The following ATP8B1 variants were observed in gnomAD, a reference collection of about 807,000 sequenced individuals.
ATP8B1 encodes the protein ATPase phospholipid transporting 8B1.
ATP8B1 carries 80 observed loss-of-function variants against 149.9 expected under a neutral mutation model. The ratio of observed to expected loss-of-function variants is 0.53; its 90% CI spans 0.45 to 0.64. The LOEUF is 0.64. Among genes scored for constraint, ATP8B1 ranks in the 30% least tolerant of loss-of-function variants. The pLI, the probability that ATP8B1 is intolerant of heterozygous loss-of-function variation, is 0.00. For missense variants in ATP8B1, 1,247 were observed against 1,552.6 expected, an observed-to-expected ratio of 0.80 and a Z score of 3.31; for synonymous variants, 536 against 562.8, an observed-to-expected ratio of 0.95 and a Z score of 0.67.
intron 17 of ATP8B1, among the ~76,000 whole-genome samples, chr18:57,670,577 G>A (rs1001493047): frequency 1.3e-5 from 2 of 151,226 alleles, no homozygotes; most frequent in African/African-American, 4.9e-5. Context: ...GTCTCGATCT[G>A]TTAACCTCGT....
intron 2 of ATP8B1, among the ~76,000 whole-genome samples, chr18:57,728,184 T>A (rs1267345877): frequency 6.6e-6 from 1 of 152,154 alleles, no homozygotes; most frequent in African/African-American, 2.4e-5. Flanking sequence ...GCTACAACCC[T>A]CATTAAAGAA....
chr18:57,690,160 A>G (rs2122861066), intron 12 of ATP8B1, among the ~76,000 whole-genome samples: 1 of 152,336 alleles, frequency 6.6e-6, no homozygotes, highest in African/African-American at 2.4e-5. Context: ...GTCTGAGTAA[A>G]GGCCTTTGTA....
intron 2 of ATP8B1, among the ~76,000 whole-genome samples, chr18:57,709,575 C>G (rs1389519821): frequency 1.3e-5 from 2 of 152,172 alleles, no homozygotes; most frequent in Non-Finnish European, 2.9e-5. Flanking sequence ...TTTTAAGTGT[C>G]TGCTTGGAAC....
chr18:57,703,127 A>C (rs1363881034), intron 4 of ATP8B1, among the ~76,000 whole-genome samples: 1 of 151,904 alleles, frequency 6.6e-6, no homozygotes, highest in Non-Finnish European at 1.5e-5. Context: ...TTGCCTATCC[A>C]TTTCTCCTTA....
At chr18:57,760,378 T>C (rs2123321613) in intron 1 of ATP8B1, among the ~76,000 whole-genome samples, 1 of 152,278 alleles carries the variant, frequency 6.6e-6, no homozygotes, top group South Asian at 2.1e-4. Context: ...AAAGGGCCTG[T>C]CCCTAAGACC....
At chr18:57,781,150 G>A (rs4941086) in intron 1 of ATP8B1, among the ~76,000 whole-genome samples, 35,332 of 152,122 alleles carry the variant, frequency 0.23, 4,851 homozygotes, top group East Asian at 0.51. Context: ...AAAATCACTT[G>A]GGAAACTCCA....
At chr18:57,719,947 C>T (rs1238776791) in intron 2 of ATP8B1, among the ~76,000 whole-genome samples, 37 of 152,144 alleles carry the variant, frequency 2.4e-4, no homozygotes, top group African/African-American at 8.7e-4. Context: ...CCCTGACCCC[C>T]GAGCAGCCTA....
chr18:57,689,270 G>A (rs1912410882), intron 12 of ATP8B1, among the ~76,000 whole-genome samples: 4 of 152,130 alleles, frequency 2.6e-5, no homozygotes, highest in Admixed American at 2.0e-4. Flanking sequence ...TAGGGCAGAG[G>A]GAGTGAGAGT....
chr18:57,665,365 A>G (rs904202634), intron 20 of ATP8B1, among the ~76,000 whole-genome samples: 3 of 152,176 alleles, frequency 2.0e-5, no homozygotes, highest in Non-Finnish European at 4.4e-5. Context: ...AACATTTGCT[A>G]CTTGCATACA....
chr18:57,788,256 G>GA lies in ATP8B1; in HGVS notation c.-26+14741dup, dbSNP rs143808304. ...ACATCAGGTCCATCATTTGAAGCACGAAAAAATCGGAGCTTAGAAAATTAA... is the reference window on the plus strand; with the variant it reads ...ACATCAGGTCCATCATTTGAAGCACGAAAAAAATCGGAGCTTAGAAAATTAA... On this transcript the variant is annotated intron_variant, in intron 1 of 27. Transcript: ENST00000648908. 5.4e-3 allele frequency among the ~76,000 whole-genome samples: 821 copies of GA among 151,896 alleles called. 10 individuals are homozygous for GA. Among genetic ancestry groups the GA allele is most frequent in the African/African-American group, 0.019 (785 of 41,414 alleles).
intron 18 of ATP8B1, 94 bp from the exon 19 acceptor site, chr18:57,668,634 C>G: frequency 1.3e-6 from 1 of 754,090 alleles, no homozygotes; most frequent in Non-Finnish European, 2.2e-6. Context: ...AAAAGAAGGG[C>G]TAATTATACA....
At chr18:57,769,172 G>C (rs2080245042) in intron 1 of ATP8B1, among the ~76,000 whole-genome samples, 1 of 152,154 alleles carries the variant, frequency 6.6e-6, no homozygotes, top group African/African-American at 2.4e-5. Flanking sequence ...GCAGAGCCAA[G>C]TGTATGCATT....
At chr18:57,772,472 G>T (rs918836994) in intron 1 of ATP8B1, among the ~76,000 whole-genome samples, 1 of 152,154 alleles carries the variant, frequency 6.6e-6, no homozygotes, top group Non-Finnish European at 1.5e-5. Flanking sequence ...ACTAAAGTGC[G>T]GGTAGACAGG....
chr18:57,754,588 T>C (rs2080059682), intron 1 of ATP8B1, among the ~76,000 whole-genome samples: 1 of 152,192 alleles, frequency 6.6e-6, no homozygotes, highest in South Asian at 2.1e-4. Context: ...GGAATAGGGC[T>C]TGACCCAAAG....
At position 57,756,239 on chromosome 18, in the gene ATP8B1, A is replaced by ATT. The variant is rs1477198768; in HGVS notation, c.-25-24408_-25-24407insAA. Reference sequence around the variant, plus strand: ...CACACACACACACACACACACACATATATACACACACACATATATATATAT... The same window carrying ATT: ...CACACACACACACACACACACACATATTTATACACACACACATATATATATAT... On this transcript the variant is annotated intron_variant, in intron 1 of 27. Transcript: ENST00000648908. Among the ~76,000 whole-genome samples, 3 of 125,710 alleles carry ATT rather than the reference A, an allele frequency of 2.4e-5. No individual in the cohort carries two copies. In the East Asian group the frequency reaches 6.0e-4, roughly 25 times the overall value. 82.5% of individuals were successfully genotyped at this position (125,710 alleles called of 152,430 possible).
chr18:57,787,494 TCCATCTAGAACAATGCGGGTGGA>T (rs1321286957), intron 1 of ATP8B1, among the ~76,000 whole-genome samples: 1 of 151,742 alleles, frequency 6.6e-6, no homozygotes, highest in Non-Finnish European at 1.5e-5. Context: ...CGGGAGGAGC[TCCATCTAGAACAATGCGGGTGGA>T]GCTCCATCTA....
chr18:57,755,718 CG>C (rs2080070757), intron 1 of ATP8B1, among the ~76,000 whole-genome samples: 1 of 152,098 alleles, frequency 6.6e-6, no homozygotes, highest in African/African-American at 2.4e-5. Context: ...GTTTAAAAAG[CG>C]GTTAGAGGTG....
intron 1 of ATP8B1, among the ~76,000 whole-genome samples, chr18:57,786,732 C>G (rs541559130): frequency 6.6e-6 from 1 of 152,222 alleles, no homozygotes; most frequent in Non-Finnish European, 1.5e-5. Context: ...CCACCCATCT[C>G]GGCCTCCCAA....
At chr18:57,700,240 T>A (rs1311219580) in intron 6 of ATP8B1, among the ~76,000 whole-genome samples, 4 of 150,154 alleles carry the variant, frequency 2.7e-5, no homozygotes, top group South Asian at 2.1e-4. Flanking sequence ...ATAAGCCAAA[T>A]TTTTTTTTTA....
Sources: allele counts gnomAD v4.1 joint callset (sites outside exome capture counted in the v4.1 genomes callset), GRCh38; gene constraint gnomAD v4.1.1; transcripts MANE v1.5; gene names NCBI Gene and HGNC (gene_info 2026-07-23, HGNC 2026-07-21).